Variants in EBF1 observed in about 807,000 individuals in gnomAD.
EBF1 encodes the protein EBF transcription factor 1.
A neutral mutation model predicts 68.4 loss-of-function variants in EBF1; 10 were observed. The ratio of observed to expected loss-of-function variants is 0.15; its 90% CI spans 0.09 to 0.25. The LOEUF (loss-of-function observed/expected upper bound fraction) is 0.25, where lower values mean the gene tolerates loss of function less well. Among genes scored for constraint, EBF1 ranks in the 10% least tolerant of loss-of-function variants. The probability of loss-of-function intolerance (pLI) is 1.00; values close to 1 mark genes in which losing one functional copy is unlikely to be tolerated. For synonymous variants in EBF1, 298 were observed against 299.8 expected, an observed-to-expected ratio of 0.99 and a Z score of 0.06; for missense variants, 509 against 794.4, an observed-to-expected ratio of 0.64 and a Z score of 4.32.
chr5:159,009,616 A>T (rs1449660683), intron 6 of EBF1, among the ~76,000 whole-genome samples: 3 of 152,034 alleles, frequency 2.0e-5, no homozygotes, highest in African/African-American at 7.2e-5. Flanking sequence ...CACACAAAAA[A>T]CAAGCAAAAA....
intron 6 of EBF1, among the ~76,000 whole-genome samples, chr5:159,033,053 C>T (rs2127750241): frequency 6.8e-6 from 1 of 147,626 alleles, no homozygotes; most frequent in East Asian, 2.2e-4. Context: ...AAAACCCAAA[C>T]TTGAAAATTT....
At chr5:158,918,251 G>A (rs572575846) in intron 6 of EBF1, among the ~76,000 whole-genome samples, 302 of 152,290 alleles carry the variant, frequency 2.0e-3, no homozygotes, top group Non-Finnish European at 3.0e-3. Flanking sequence ...TATGGTGAAG[G>A]AAGTTGGTCT....
intron 11 of EBF1, among the ~76,000 whole-genome samples, chr5:158,720,424 C>T (rs1334847784): frequency 6.6e-6 from 1 of 152,076 alleles, no homozygotes; most frequent in African/African-American, 2.4e-5. Context: ...TCCCAGCTTC[C>T]TTTGTGTTTA....
intron 6 of EBF1, among the ~76,000 whole-genome samples, chr5:158,903,356 G>T (rs1402425613): frequency 6.6e-6 from 1 of 152,030 alleles, no homozygotes; most frequent in African/African-American, 2.4e-5. Context: ...CCGTGTCTGG[G>T]TCAGGAACGT....
Position 158,707,992 on chromosome 5 carries a change from C to G in EBF1, c.1731G>C (p.Gly577=). The G allele has an allele frequency of 1.3e-6, 2 of 1,549,658 alleles. No individual in the cohort carries two copies. Among genetic ancestry groups the G allele is most frequent in the Non-Finnish European group, 1.7e-6 (2 of 1,146,666 alleles). ...SPPPTCTSTN[G]NSLQAISGMI... is the part of the protein sequence containing the mutation. ...CCTGGGGCTTACCTTGCAGGCTGTTCCCGTTGGTGCTGGTGCAGGTGGGAG... is the reference window on the plus strand; with the variant it reads ...CCTGGGGCTTACCTTGCAGGCTGTTGCCGTTGGTGCTGGTGCAGGTGGGAG... Residue 577 remains glycine (G), a synonymous_variant, in exon 15 of 16, where the codon GGG becomes GGC. Coordinates refer to ENST00000313708, the MANE Select transcript of EBF1 (RefSeq NM_024007.5).
At chr5:159,062,891 CAGTT>C (rs879422035) in intron 6 of EBF1, among the ~76,000 whole-genome samples, 7 of 152,312 alleles carry the variant, frequency 4.6e-5, no homozygotes, top group African/African-American at 9.6e-5. Context: ...ATCAATTAAA[CAGTT>C]AGGCAATGAG....
chr5:158,925,209 A>T (rs548074729), intron 6 of EBF1, among the ~76,000 whole-genome samples: 52 of 152,262 alleles, frequency 3.4e-4, no homozygotes, highest in Non-Finnish European at 6.3e-4. Flanking sequence ...GTGGCCATGA[A>T]TCACCTCTTT....
chr5:158,801,674 A>T lies in EBF1; in HGVS notation c.779-5199T>A, dbSNP rs895955410. 4.6e-4 allele frequency among the ~76,000 whole-genome samples: 70 copies of T among 152,018 alleles called. 1 individual carries two copies. Among genetic ancestry groups the T allele is most frequent in the African/African-American group, 1.7e-3 (69 of 41,488 alleles). On this transcript the variant is annotated intron_variant, in intron 8 of 15. Coordinates refer to ENST00000313708, the MANE Select transcript of EBF1 (RefSeq NM_024007.5). The stretch of plus-strand genomic sequence containing the variant: ...GAAAAGAGAGGGAAGAATTAAAAAA[A>T]AAAAAAAAAGAAAGAAAGAAATCGT...
At chr5:158,891,984 T>A (rs1342376143) in intron 6 of EBF1, among the ~76,000 whole-genome samples, 1 of 152,214 alleles carries the variant, frequency 6.6e-6, no homozygotes, top group Non-Finnish European at 1.5e-5. Context: ...ACAGTCAACA[T>A]AGCCTTTATG....
chr5:158,775,776 GCACACAGACA>G (rs1458649644), intron 10 of EBF1, among the ~76,000 whole-genome samples: 1 of 56,002 alleles, frequency 1.8e-5, no homozygotes, highest in African/African-American at 9.2e-5. Flanking sequence ...ACACACACAT[GCACACAGACA>G]CACACACACA....
chr5:158,797,831 A>C (rs1242451279), intron 8 of EBF1, among the ~76,000 whole-genome samples: 1 of 152,214 alleles, frequency 6.6e-6, no homozygotes, highest in African/African-American at 2.4e-5. Flanking sequence ...TGGGCAGTTC[A>C]GATGACTTTT....
intron 6 of EBF1, among the ~76,000 whole-genome samples, chr5:158,872,425 G>A (rs1221883193): frequency 6.6e-6 from 1 of 152,062 alleles, no homozygotes; most frequent in Non-Finnish European, 1.5e-5. Flanking sequence ...TCGAACTCCT[G>A]ACCCCGCGAA....
intron 9 of EBF1, 142 bp from the exon 10 acceptor site, chr5:158,777,681 GAA>G: frequency 1.3e-6 from 1 of 790,068 alleles, no homozygotes; most frequent in Non-Finnish European, 1.9e-6. Flanking sequence ...GAACCTGCGT[GAA>G]AGACACTGAC....
intron 6 of EBF1, among the ~76,000 whole-genome samples, chr5:158,893,631 G>A (rs1214042217): frequency 6.6e-6 from 1 of 152,128 alleles, no homozygotes; most frequent in Non-Finnish European, 1.5e-5. Flanking sequence ...TGAGGCCAAG[G>A]CTCGTCAGTC....
At chr5:158,998,572 A>G (rs1761917518) in intron 6 of EBF1, among the ~76,000 whole-genome samples, 1 of 152,228 alleles carries the variant, frequency 6.6e-6, no homozygotes, top group African/African-American at 2.4e-5. Context: ...GAACTACTTC[A>G]GCTTCCGAAA....
chr5:158,857,861 GT>G (rs1056786177), intron 6 of EBF1, among the ~76,000 whole-genome samples: 1 of 152,148 alleles, frequency 6.6e-6, no homozygotes, highest in African/African-American at 2.4e-5. Flanking sequence ...ACTGGAAAAA[GT>G]CACATAATTA....
At chr5:158,777,897 G>C (rs1486069198) in intron 9 of EBF1, among the ~76,000 whole-genome samples, 1 of 152,164 alleles carries the variant, frequency 6.6e-6, no homozygotes. Flanking sequence ...AAGCTGATGG[G>C]CCTGGTGTTT....
chr5:158,871,727 G>A (rs908332593), intron 6 of EBF1, among the ~76,000 whole-genome samples: 3 of 152,182 alleles, frequency 2.0e-5, no homozygotes, highest in Non-Finnish European at 2.9e-5. Flanking sequence ...GGAGATAGAA[G>A]CTCAGATAGC....
intron 14 of EBF1, among the ~76,000 whole-genome samples, chr5:158,709,500 C>G (rs1476380526): frequency 3.9e-5 from 6 of 152,236 alleles, no homozygotes; most frequent in Non-Finnish European, 8.8e-5. Flanking sequence ...GGGGAAAAGC[C>G]TCGTTCCCAT....
Sources: allele counts gnomAD v4.1 joint callset (sites outside exome capture counted in the v4.1 genomes callset), GRCh38; gene constraint gnomAD v4.1.1; transcripts MANE v1.5; gene names NCBI Gene and HGNC (gene_info 2026-07-23, HGNC 2026-07-21).